Variants in R3HDM1 observed in about 807,000 individuals in gnomAD.
The protein encoded by R3HDM1 is R3H domain-containing protein 1.
A neutral mutation model predicts 141.1 loss-of-function variants in R3HDM1; 46 were observed. That is an observed-to-expected ratio of 0.33 (90% confidence interval 0.26 to 0.42). The LOEUF is 0.42. R3HDM1 is among the 10% of genes least tolerant of loss of function. The pLI is 1.00. For synonymous variants in R3HDM1, 435 were observed against 472.9 expected (o/e 0.92, Z 1.04); for missense variants, 1,184 against 1,368.3 (o/e 0.87, Z 2.12).
intron 18 of R3HDM1, among the ~76,000 whole-genome samples, chr2:135,654,381 C>G (rs1191239273): frequency 6.6e-6 from 1 of 152,056 alleles, no homozygotes; most frequent in Non-Finnish European, 1.5e-5. Context: ...TCACACTATT[C>G]ATTCTTTCCC....
intron 7 of R3HDM1, among the ~76,000 whole-genome samples, chr2:135,624,994 G>A (rs2061865196): frequency 6.6e-6 from 1 of 152,136 alleles, no homozygotes; most frequent in Non-Finnish European, 1.5e-5. Flanking sequence ...AGGCTGAGGT[G>A]GGAAGATTAC....
At chr2:135,723,818 AGT>A in intron 26 of R3HDM1, 117 bp from the exon 27 acceptor site, 4 of 507,958 alleles carry the variant, frequency 7.9e-6, no homozygotes, top group Non-Finnish European at 1.4e-5. Flanking sequence ...TGGCCCTAAC[AGT>A]TTTAATTTTG....
At chr2:135,653,620 G>C (rs554115193) in intron 18 of R3HDM1, among the ~76,000 whole-genome samples, 1 of 152,036 alleles carries the variant, frequency 6.6e-6, no homozygotes, top group Admixed American at 6.6e-5. Context: ...TTCCAAATAC[G>C]TAGGGGCTTT....
At chr2:135,608,303 G>A (rs916223309) in intron 3 of R3HDM1, among the ~76,000 whole-genome samples, 4 of 151,750 alleles carry the variant, frequency 2.6e-5, no homozygotes, top group East Asian at 3.9e-4. Context: ...GTGACACAGC[G>A]AGACTCCATC....
At chr2:135,542,374 A>G (rs749536450) in intron 1 of R3HDM1, among the ~76,000 whole-genome samples, 1 of 152,266 alleles carries the variant, frequency 6.6e-6, no homozygotes, top group Non-Finnish European at 1.5e-5. Flanking sequence ...ATAGAGCACA[A>G]TAGAAATACC....
At chr2:135,581,071 A>T (rs1166321108) in intron 1 of R3HDM1, 1 of 546,540 alleles carries the variant, frequency 1.8e-6, no homozygotes, top group African/African-American at 2.1e-5. Context: ...CTTATATCTT[A>T]TACTAGACCA....
intron 1 of R3HDM1, among the ~76,000 whole-genome samples, chr2:135,556,679 C>T (rs748721959): frequency 3.3e-5 from 5 of 151,946 alleles, no homozygotes; most frequent in South Asian, 2.1e-4. Context: ...CCACCACACC[C>T]GGCTAATTTT....
At chr2:135,587,938 ATTTGTCTTTCCTAC>A (rs1708317010) in intron 1 of R3HDM1, among the ~76,000 whole-genome samples, 1 of 148,584 alleles carries the variant, frequency 6.7e-6, no homozygotes, top group Non-Finnish European at 1.5e-5. Flanking sequence ...CTCCCTCTAC[ATTTGTCTTTCCTAC>A]TTTGTCTCAG....
intron 19 of R3HDM1, 69 bp from the exon 20 acceptor site, chr2:135,675,263 A>G: frequency 7.0e-7 from 1 of 1,434,106 alleles, no homozygotes; most frequent in African/African-American, 1.4e-5. Flanking sequence ...GTACTCGCTT[A>G]AATTTTTTTT....
At chr2:135,537,706 G>T (rs754030134) in intron 1 of R3HDM1, among the ~76,000 whole-genome samples, 64 of 149,798 alleles carry the variant, frequency 4.3e-4, no homozygotes, top group Non-Finnish European at 9.0e-4. Flanking sequence ...GCCCAGGGTG[G>T]AGTGCAGTGG....
At chr2:135,671,419 G>C (rs2068322142) in intron 19 of R3HDM1, among the ~76,000 whole-genome samples, 2 of 151,856 alleles carry the variant, frequency 1.3e-5, no homozygotes, top group Admixed American at 6.6e-5. Flanking sequence ...GCCCAGGCTG[G>C]AGTGCAATGG....
chr2:135,571,477 C>T (rs1254661946), intron 1 of R3HDM1, among the ~76,000 whole-genome samples: 2 of 150,906 alleles, frequency 1.3e-5, no homozygotes, highest in Non-Finnish European at 1.5e-5. Flanking sequence ...ATGCGCACAC[C>T]ACCACACCCG....
chr2:135,590,188 C>T (rs1336020149), intron 1 of R3HDM1, among the ~76,000 whole-genome samples: 1 of 152,072 alleles, frequency 6.6e-6, no homozygotes, highest in Non-Finnish European at 1.5e-5. Context: ...TTTTCAAATG[C>T]TTAGAAAGTT....
chr2:135,649,660 A>AT (rs2064925501), intron 16 of R3HDM1, among the ~76,000 whole-genome samples: 1 of 152,192 alleles, frequency 6.6e-6, no homozygotes, highest in Admixed American at 6.5e-5. Context: ...GAAATATTTT[A>AT]TTGCAAAAAA....
In R3HDM1 at chr2:135,667,815, C is replaced by T. The variant is rs2067762866; in HGVS notation, c.2152+6422C>T. 3.3e-6 allele frequency: 3 copies of T among 911,948 alleles called. No homozygotes were observed. In the Admixed American group the frequency reaches 1.9e-4, roughly 56 times the overall value. 56.5% of individuals were successfully genotyped at this position (911,948 alleles called of 1,614,324 possible). Reference sequence around the variant, plus strand: ...CAGTCTTCAAACTATACTTTTGACACTATGAGAACTCTGTACCCACTCTTG... The same window carrying T: ...CAGTCTTCAAACTATACTTTTGACATTATGAGAACTCTGTACCCACTCTTG... On this transcript the variant is annotated intron_variant, in intron 19 of 26. Transcript: ENST00000683871.
intron 1 of R3HDM1, among the ~76,000 whole-genome samples, chr2:135,551,589 A>G (rs1699862978): frequency 6.6e-6 from 1 of 152,264 alleles, no homozygotes; most frequent in South Asian, 2.1e-4. Flanking sequence ...TAAAAGTTAA[A>G]TCACGTTGAA....
At chr2:135,643,089 G>A (rs549438224) in intron 15 of R3HDM1, among the ~76,000 whole-genome samples, 1 of 152,104 alleles carries the variant, frequency 6.6e-6, no homozygotes, top group Non-Finnish European at 1.5e-5. Flanking sequence ...GTCTGAAATT[G>A]AATTGTACTA....
intron 24 of R3HDM1, 134 bp downstream of exon 24, chr2:135,715,828 CT>C: frequency 1.8e-6 from 2 of 1,081,890 alleles, no homozygotes; most frequent in Non-Finnish European, 2.6e-6. Context: ...TCAGGCATGT[CT>C]ATTTGTGACC....
chr2:135,616,265 A>G (rs1394193839), intron 4 of R3HDM1, 72 bp downstream of exon 4: 1 of 1,387,214 alleles, frequency 7.2e-7, no homozygotes, highest in Middle Eastern at 1.8e-4. Flanking sequence ...TTGTTTTCAT[A>G]TAGCACTACA....
Sources: allele counts gnomAD v4.1 joint callset (sites outside exome capture counted in the v4.1 genomes callset), GRCh38; gene constraint gnomAD v4.1.1; transcripts MANE v1.5; gene names NCBI Gene and HGNC (gene_info 2026-07-23, HGNC 2026-07-21).